Variants in GNG7 observed in about 807,000 individuals in gnomAD.
GNG7 encodes the protein G protein subunit gamma 7.
A neutral mutation model predicts 4.0 loss-of-function variants in GNG7; 1 was observed. The ratio of observed to expected loss-of-function variants is 0.25; its 90% CI spans 0.09 to 1.18. GNG7 has a LOEUF of 1.18. Ranked by LOEUF, GNG7 falls within the 50% of genes most tolerant of loss-of-function variation. The pLI is 0.50. For missense variants in GNG7, 86 were observed against 91.9 expected, an observed-to-expected ratio of 0.94 and a Z score of 0.26; for synonymous variants, 34 against 36.9, an observed-to-expected ratio of 0.92 and a Z score of 0.29.
intron 1 of GNG7, among the ~76,000 whole-genome samples, chr19:2,697,181 A>G (rs1411542751): frequency 6.6e-6 from 1 of 152,232 alleles, no homozygotes; most frequent in Non-Finnish European, 1.5e-5. Context: ...TAAAAGATGG[A>G]ATTGCATCCT....
chr19:2,613,496 G>T (rs781528458), intron 2 of GNG7, among the ~76,000 whole-genome samples: 1 of 139,914 alleles, frequency 7.1e-6, no homozygotes, highest in Non-Finnish European at 1.5e-5. Context: ...GGGACCCCCA[G>T]CTCCTGGGAC....
intron 2 of GNG7, among the ~76,000 whole-genome samples, chr19:2,577,529 C>T (rs114137713): frequency 0.011 from 1,628 of 152,104 alleles, 39 homozygotes; most frequent in African/African-American, 0.037. Context: ...TGTCTTCCCA[C>T]AACTCTGCTA....
intron 2 of GNG7, among the ~76,000 whole-genome samples, chr19:2,573,120 G>C (rs1980201064): frequency 6.6e-6 from 1 of 150,412 alleles, no homozygotes; most frequent in East Asian, 2.0e-4. Flanking sequence ...CCGTCTCCCA[G>C]GTTCAAGCGA....
intron 2 of GNG7, among the ~76,000 whole-genome samples, chr19:2,615,412 T>C (rs1360279868): frequency 6.6e-6 from 1 of 150,504 alleles, no homozygotes; most frequent in Non-Finnish European, 1.5e-5. Flanking sequence ...ACAGACTCTG[T>C]CCTCTTGGTG....
chr19:2,663,291 A>T (rs1254109220), intron 1 of GNG7, among the ~76,000 whole-genome samples: 1 of 151,584 alleles, frequency 6.6e-6, no homozygotes, highest in African/African-American at 2.4e-5. Flanking sequence ...TGAAGGCCCT[A>T]CCCTCATTAA....
Position 2,513,662 on chromosome 19 carries a change from A to G in GNG7, c.*1360T>C, listed in dbSNP as rs1474607701. On this transcript the variant is annotated 3_prime_UTR_variant, in exon 5 of 5. Coordinates refer to ENST00000382159, the MANE Select transcript of GNG7 (RefSeq NM_052847.3). ...AAAGATCGGGTTCGAGCGACAGGGT[A>G]ACGTTTTGAGCGGACGTTTTGATCT... 2 of 744,334 alleles carry G rather than the reference A, an allele frequency of 2.7e-6. No individual in the cohort carries two copies. The highest frequency in any genetic ancestry group is 3.8e-5 in the African/African-American group (2 of 52,304). 46.1% of individuals were successfully genotyped at this position (744,334 alleles called of 1,614,324 possible). A position where few individuals can be genotyped will look rare whatever the true frequency, so the allele number is the denominator to read the frequency against.
chr19:2,598,633 A>G (rs973208349), intron 2 of GNG7, among the ~76,000 whole-genome samples: 4 of 151,132 alleles, frequency 2.6e-5, no homozygotes, highest in Admixed American at 6.6e-5. Context: ...CTCCAGCCTG[A>G]GCGACAGAGC....
rs1387026873 is a variant in GNG7 at position 2,553,801 on chromosome 19, TG to T, written c.-38+1347del. 1.5e-4 allele frequency among the ~76,000 whole-genome samples: 17 copies of T among 115,754 alleles called. No individual in the cohort carries two copies. The East Asian group carries it at 4.0e-3, about 27-fold the overall frequency. 75.9% of individuals were successfully genotyped at this position (115,754 alleles called of 152,430 possible). On this transcript the variant is annotated intron_variant, in intron 3 of 4. Transcript: ENST00000382159. ...TTATATCACACACATGTACGTATCA[TG>T]TGTAATATATCACATACATGTACAT... is the stretch of plus-strand genomic sequence containing the variant.
chr19:2,672,932 T>G (rs1183331468), intron 1 of GNG7, among the ~76,000 whole-genome samples: 1 of 151,954 alleles, frequency 6.6e-6, no homozygotes, highest in Non-Finnish European at 1.5e-5. Context: ...TTGGGGGACA[T>G]TTTACAAAAC....
chr19:2,553,544 A>G (rs1265346811), intron 3 of GNG7, among the ~76,000 whole-genome samples: 1 of 148,838 alleles, frequency 6.7e-6, no homozygotes, highest in East Asian at 1.9e-4. Context: ...ACATCACATT[A>G]CATATATGTA....
At chr19:2,630,599 AAC>A (rs1568267862) in intron 2 of GNG7, 1 of 151,978 alleles carries the variant, frequency 6.6e-6, no homozygotes, top group Non-Finnish European at 1.5e-5. Flanking sequence ...ACGCAACAGA[AAC>A]AGTCTATCAA....
At chr19:2,559,326 T>C (rs1276751650) in intron 2 of GNG7, among the ~76,000 whole-genome samples, 1 of 151,278 alleles carries the variant, frequency 6.6e-6, no homozygotes, top group Non-Finnish European at 1.5e-5. Flanking sequence ...CTTTATCTGA[T>C]CAATACATGA....
intron 1 of GNG7, among the ~76,000 whole-genome samples, chr19:2,681,377 G>T (rs1457620263): frequency 6.6e-6 from 1 of 152,012 alleles, no homozygotes; most frequent in Non-Finnish European, 1.5e-5. Context: ...TAGAGATGGG[G>T]TTTCACCATA....
At chr19:2,672,333 T>C (rs1004772032) in intron 1 of GNG7, among the ~76,000 whole-genome samples, 1 of 151,864 alleles carries the variant, frequency 6.6e-6, no homozygotes, top group Non-Finnish European at 1.5e-5. Context: ...TTTTTAAATA[T>C]TTTGTAGAGA....
chr19:2,564,456 C>G (rs901379114), intron 2 of GNG7, among the ~76,000 whole-genome samples: 1 of 152,214 alleles, frequency 6.6e-6, no homozygotes, highest in South Asian at 2.1e-4. Context: ...TGGCGTGCAC[C>G]TGTACCACTC....
rs1397977239 is a variant in GNG7 at position 2,657,350 on chromosome 19, AAAAAAAAAAAAATATATATATATAT to A, written c.-134-11095_-134-11071del. Among the ~76,000 whole-genome samples, 9 of 25,282 alleles carry A rather than the reference AAAAAAAAAAAAATATATATATATAT, an allele frequency of 3.6e-4. 2 individuals are homozygous for A. Among genetic ancestry groups the A allele is most frequent in the East Asian group, 6.3e-4 (1 of 1,578 alleles). 16.6% of individuals were successfully genotyped at this position (25,282 alleles called of 152,430 possible). Reference sequence around the variant, plus strand: ...CCCCGTCTCAATTAAAAAAAAAAAAAAAAAAAAAAAAATATATATATATATATATATATATATATATATATATATA... The same window carrying A: ...CCCCGTCTCAATTAAAAAAAAAAAAAATATATATATATATATATATATATA... On this transcript the variant is annotated intron_variant, in intron 1 of 4. Transcript: ENST00000382159.
At chr19:2,657,658 C>T (rs1317770390) in intron 1 of GNG7, among the ~76,000 whole-genome samples, 1 of 151,640 alleles carries the variant, frequency 6.6e-6, no homozygotes, top group Admixed American at 6.6e-5. Context: ...TGGAGACCAG[C>T]CTGGGCAACA....
Position 2,647,660 on chromosome 19 carries a change from G to A in GNG7, c.-134-1380C>T, listed in dbSNP as rs564104008. ...TTGATCCTGGGAGATCAAGGTTGCTGTGAGCTAGGATTGCACCACTGCACT... is the reference window on the plus strand; with the variant it reads ...TTGATCCTGGGAGATCAAGGTTGCTATGAGCTAGGATTGCACCACTGCACT... On this transcript the variant is annotated intron_variant, in intron 1 of 4. Coordinates refer to ENST00000382159, the MANE Select transcript of GNG7 (RefSeq NM_052847.3). Among the ~76,000 whole-genome samples, 5 of 152,222 alleles carry A rather than the reference G, an allele frequency of 3.3e-5. No individual in the cohort carries two copies. The East Asian group carries it at 5.8e-4, about 18-fold the overall frequency.
At chr19:2,661,302 G>GAAAAAGAA in intron 1 of GNG7, among the ~76,000 whole-genome samples, 9 of 73,122 alleles carry the variant, frequency 1.2e-4, no homozygotes, top group Middle Eastern at 6.5e-3. Context: ...AAGAAAGAAA[G>GAAAAAGAA]AGAAAGAAAG....
Sources: gnomAD v4.1 joint callset for allele counts (sites outside exome capture counted in the v4.1 genomes callset) on GRCh38, gnomAD v4.1.1 for gene constraint, MANE v1.5 for transcripts, NCBI Gene and HGNC (gene_info 2026-07-23, HGNC 2026-07-21) for gene names.